Variants in TAF1 observed in about 807,000 individuals in gnomAD.
TAF1 encodes the protein transcription initiation factor TFIID subunit 1.
TAF1 carries 2 observed loss-of-function variants against 138.5 expected under a neutral mutation model. The observed-to-expected ratio is 0.01, with a 90% CI of 0.01 to 0.05. The LOEUF is 0.05. Ranked by LOEUF, TAF1 falls within the 10% of genes least tolerant of loss-of-function variation. TAF1 has a pLI of 1.00. For synonymous variants in TAF1, 437 were observed against 503.2 expected, an observed-to-expected ratio of 0.87 and a Z score of 1.76; for missense variants, 709 against 1,478.0, an observed-to-expected ratio of 0.48 and a Z score of 8.53.
At chrX:71,390,779 T>C (rs1342302896) in intron 18 of TAF1, among the ~76,000 whole-genome samples, 1 of 111,756 alleles carries the variant, frequency 8.9e-6, no homozygotes, top group Non-Finnish European at 1.9e-5. Context: ...GCAGATCACC[T>C]GAGGTCAGGA....
chrX:71,459,091 G>C, intron 35 of TAF1: 2 of 916,535 alleles, frequency 2.2e-6, no homozygotes, highest in Non-Finnish European at 2.9e-6. Flanking sequence ...GAGAGCCCTT[G>C]GTTAACTCCT....
intron 32 of TAF1, 134 bp downstream of exon 32, chrX:71,424,372 A>T: frequency 3.2e-6 from 1 of 308,127 alleles, no homozygotes. Context: ...CTGTGGTGTG[A>T]TCATAGTTCA....
In TAF1 at chrX:71,465,204, C is replaced by T. The variant is rs1266410366; in HGVS notation, c.*1158C>T. 1.8e-5 allele frequency: 2 copies of T among 111,536 alleles called. No individual in the cohort carries two copies. The highest frequency in any genetic ancestry group is 3.8e-5 in the Non-Finnish European group (2 of 53,097). The allele number at this position is 111,536 out of a possible 1,213,427, so 9.2% of individuals were successfully genotyped here. A position where few individuals can be genotyped will look rare whatever the true frequency, so the allele number is the denominator to read the frequency against. ...GGTAAATAAGACAAATCCCTTTTAC[C>T]CAAAGAGCTCACCATCAAGTTGGGG... On this transcript the variant is annotated 3_prime_UTR_variant, in exon 38 of 38. Coordinates refer to ENST00000423759, the MANE Select transcript of TAF1 (RefSeq NM_004606.5).
At chrX:71,373,585 A>G (rs1325804271) in intron 3 of TAF1, among the ~76,000 whole-genome samples, 5 of 112,076 alleles carry the variant, frequency 4.5e-5, no homozygotes. Context: ...TGTGATGTTG[A>G]TAGGGAATTT....
intron 8 of TAF1, 68 bp downstream of exon 8, chrX:71,379,099 GCT>G: frequency 1.3e-6 from 1 of 789,737 alleles, no homozygotes; most frequent in Non-Finnish European, 1.7e-6. Flanking sequence ...AGTGGGCTCA[GCT>G]GTGATTTTTT....
chrX:71,408,416 A>G (rs1173946033), intron 28 of TAF1, among the ~76,000 whole-genome samples: 1 of 110,798 alleles, frequency 9.0e-6, no homozygotes, highest in Non-Finnish European at 1.9e-5. Context: ...CTCTCGGTTC[A>G]AGCGATTCTC....
chrX:71,448,841 G>A (rs1291887120), intron 32 of TAF1, among the ~76,000 whole-genome samples: 50 of 99,799 alleles, frequency 5.0e-4, no homozygotes, highest in Non-Finnish European at 8.0e-4. Context: ...TTTTTGAGAC[G>A]GAGTTTCGCT....
intron 13 of TAF1, chrX:71,491,043 G>GTTTTTTTTTTTTTTTT (rs1187463669): frequency 2.2e-5 from 1 of 45,720 alleles, no homozygotes; most frequent in Non-Finnish European, 4.1e-5. Flanking sequence ...TGTTGTTGTT[G>GTTTTTTTTTTTTTTTT]TTTTTTTTTT....
intron 32 of TAF1, among the ~76,000 whole-genome samples, chrX:71,452,549 C>T (rs1011314312): frequency 7.3e-5 from 8 of 109,145 alleles, no homozygotes; most frequent in South Asian, 8.1e-4. Context: ...GGATGGCGGC[C>T]GGGTAGAGAC....
intron 32 of TAF1, among the ~76,000 whole-genome samples, chrX:71,453,830 C>A (rs2148811459): frequency 9.0e-6 from 1 of 111,230 alleles, no homozygotes; most frequent in African/African-American, 3.3e-5. Context: ...ATGGTGAAAC[C>A]TAGCAACACA....
At chrX:71,478,082 A>G (rs1482043568) in intron 13 of TAF1, among the ~76,000 whole-genome samples, 2 of 111,126 alleles carry the variant, frequency 1.8e-5, no homozygotes, top group Non-Finnish European at 3.8e-5. Context: ...CATATAACTG[A>G]TAAAGAATAA....
chrX:71,385,756 C>T (rs932770490), intron 14 of TAF1, among the ~76,000 whole-genome samples: 7 of 111,955 alleles, frequency 6.3e-5, no homozygotes, highest in African/African-American at 2.3e-4. Flanking sequence ...TATTGCTAAC[C>T]GGATGTTTAG....
chrX:71,525,495 T>C (rs1462861746), intron 13 of TAF1, among the ~76,000 whole-genome samples: 1 of 112,179 alleles, frequency 8.9e-6, no homozygotes, highest in Non-Finnish European at 1.9e-5. Context: ...ACAAAAACAC[T>C]ACATTACAGC....
intron 22 of TAF1, among the ~76,000 whole-genome samples, chrX:71,397,028 C>CAA (rs745812030): frequency 2.3e-3 from 69 of 29,817 alleles, no homozygotes; most frequent in Non-Finnish European, 2.9e-3. Flanking sequence ...GATCCTGTCT[C>CAA]AAAAAAAAAA....
At chrX:71,449,037 G>C (rs1214411541) in intron 32 of TAF1, among the ~76,000 whole-genome samples, 1 of 108,366 alleles carries the variant, frequency 9.2e-6, no homozygotes, top group African/African-American at 3.4e-5. Context: ...TTGTTGCCCA[G>C]GCTGGAGTTC....
intron 18 of TAF1, 100 bp from the exon 19 acceptor site, chrX:71,392,465 AAAAG>A (rs2034618082): frequency 9.0e-6 from 9 of 999,760 alleles, no homozygotes; most frequent in Non-Finnish European, 1.2e-5. Flanking sequence ...AAATTAGAAA[AAAAG>A]AACATGAAAA....
At chrX:71,421,183 C>T (rs1461666545) in intron 28 of TAF1, 126 bp from the exon 29 acceptor site, 2 of 549,545 alleles carry the variant, frequency 3.6e-6, no homozygotes, top group Non-Finnish European at 6.1e-6. Flanking sequence ...ATCTGTCTAA[C>T]CCATCAGTTA....
chrX:71,384,210 T>C, intron 13 of TAF1, 75 bp downstream of exon 13: 2 of 1,105,767 alleles, frequency 1.8e-6, no homozygotes, highest in Non-Finnish European at 2.4e-6. Flanking sequence ...ATGTACAAAC[T>C]TTTTGTTATT....
At chrX:71,471,909 T>C (rs917378011) in intron 13 of TAF1, among the ~76,000 whole-genome samples, 1 of 112,126 alleles carries the variant, frequency 8.9e-6, no homozygotes, top group Admixed American at 9.5e-5. Context: ...TACACTCCTA[T>C]GCAAACCTCT....
Sources: allele counts gnomAD v4.1 joint callset (sites outside exome capture counted in the v4.1 genomes callset), GRCh38; gene constraint gnomAD v4.1.1; transcripts MANE v1.5; gene names NCBI Gene and HGNC (gene_info 2026-07-23, HGNC 2026-07-21).